Variants in MC2R observed in about 807,000 individuals in gnomAD.
MC2R encodes melanocortin 2 receptor, also known as adrenocorticotropic hormone receptor.
A neutral mutation model predicts 9.8 loss-of-function variants in MC2R; 9 were observed. That is an observed-to-expected ratio of 0.92 (90% CI 0.55 to 1.60). The LOEUF is 1.60. Ranked by LOEUF, MC2R falls within the 40% of genes most tolerant of loss-of-function variation. The probability of loss-of-function intolerance (pLI) is 0.00; values close to 1 mark genes in which losing one functional copy is unlikely to be tolerated. For synonymous variants in MC2R, 185 were observed against 154.7 expected (o/e 1.20, Z -1.45); for missense variants, 370 against 389.0 (o/e 0.95, Z 0.41).
intron 1 of MC2R, among the ~76,000 whole-genome samples, chr18:13,908,769 C>T (rs2045428419): frequency 7.0e-6 from 1 of 142,620 alleles, no homozygotes. Context: ...ATAGAAAAAT[C>T]CATGACATCA....
chr18:13,886,845 A>C (rs34378597), intron 1 of MC2R, among the ~76,000 whole-genome samples: 3,387 of 152,240 alleles, frequency 0.022, 107 homozygotes, highest in African/African-American at 0.078. Context: ...GGAGCCCATC[A>C]CGGCCTCACT....
At chr18:13,913,413 T>C (rs952070160) in intron 1 of MC2R, among the ~76,000 whole-genome samples, 1 of 152,202 alleles carries the variant, frequency 6.6e-6, no homozygotes, top group Non-Finnish European at 1.5e-5. Flanking sequence ...GGACACCTAC[T>C]AGGTTGATTA....
In MC2R at chr18:13,885,331, A is replaced by G; in HGVS notation, c.188T>C (p.Ile63Thr). 1 of 1,614,224 alleles carries G rather than the reference A, an allele frequency of 6.2e-7. No homozygotes were observed. Among genetic ancestry groups the G allele is most frequent in the Non-Finnish European group, 8.5e-7 (1 of 1,180,040 alleles). ...CATATCAGATATGGCCAAGCTACAG[A>G]TGAAAAAGTACATGGGTGCCTGGAG... Reference protein sequence around the residue: ...KNLQAPMYFFICSLAISDMLG... With the variant: ...KNLQAPMYFFTCSLAISDMLG... The change falls in exon 2 of 2, where the codon ATC becomes ACC. Residue 63 changes from isoleucine to threonine, a missense_variant. Ile to Thr is a moderately conservative substitution (Grantham distance 89, BLOSUM62 -1). Coordinates refer to ENST00000327606, the MANE Select transcript of MC2R (RefSeq NM_000529.2).
intron 1 of MC2R, among the ~76,000 whole-genome samples, chr18:13,914,416 G>A (rs1479464996): frequency 6.6e-6 from 1 of 152,196 alleles, no homozygotes; most frequent in African/African-American, 2.4e-5. Flanking sequence ...AGCACATAAG[G>A]GTTCGGTACA....
chr18:13,915,156 G>A (rs769763170), intron 1 of MC2R, among the ~76,000 whole-genome samples: 1 of 152,136 alleles, frequency 6.6e-6, no homozygotes, highest in Non-Finnish European at 1.5e-5. Flanking sequence ...GATAATAGAA[G>A]CATGATTTGT....
At chr18:13,885,994 A>G (rs2045273956) in intron 1 of MC2R, among the ~76,000 whole-genome samples, 1 of 151,940 alleles carries the variant, frequency 6.6e-6, no homozygotes, top group Admixed American at 6.6e-5. Context: ...GTCAAATACT[A>G]CATGTTCTCA....
intron 1 of MC2R, among the ~76,000 whole-genome samples, chr18:13,894,897 C>T (rs138272186): frequency 7.9e-5 from 12 of 152,240 alleles, no homozygotes; most frequent in Non-Finnish European, 1.2e-4. Flanking sequence ...TATCAACCCA[C>T]GCGACCTGTC....
At position 13,891,591 on chromosome 18, in the gene MC2R, G is replaced by A. The variant is rs34609966; in HGVS notation, c.-128-5945C>T. On this transcript the variant is annotated intron_variant, in intron 1 of 1. Transcript: ENST00000327606. ...CCTAGCCTCTTCAGTGCAAAGTGCT[G>A]TCAGGCTTTTGGATTATTGCCAATA... Among the ~76,000 whole-genome samples the A allele has an allele frequency of 5.4e-3, 824 of 152,314 alleles. 11 individuals carry two copies. Among genetic ancestry groups the A allele is most frequent in the African/African-American group, 0.019 (783 of 41,562 alleles).
At chr18:13,892,695 T>G (rs2045322393) in intron 1 of MC2R, among the ~76,000 whole-genome samples, 1 of 152,126 alleles carries the variant, frequency 6.6e-6, no homozygotes, top group South Asian at 2.1e-4. Context: ...ACCCCATGGT[T>G]CAGTCAAGTT....
chr18:13,899,540 C>A (rs1010059213), intron 1 of MC2R, among the ~76,000 whole-genome samples: 1 of 151,944 alleles, frequency 6.6e-6, no homozygotes, highest in East Asian at 1.9e-4. Flanking sequence ...ATATTTAACC[C>A]AAATAAGACT....
chr18:13,908,892 C>T (rs1175404547), intron 1 of MC2R, among the ~76,000 whole-genome samples: 1 of 151,972 alleles, frequency 6.6e-6, no homozygotes, highest in Non-Finnish European at 1.5e-5. Context: ...TAGTAGAGTC[C>T]CCACAAACCT....
chr18:13,887,767 C>CA (rs2045286061), intron 1 of MC2R, among the ~76,000 whole-genome samples: 2 of 152,162 alleles, frequency 1.3e-5, no homozygotes, highest in South Asian at 4.1e-4. Context: ...CGGACTAGCA[C>CA]AGAAGTGTGA....
At position 13,902,878 on chromosome 18, in the gene MC2R, G is replaced by A. The variant is rs1053465455; in HGVS notation, c.-129+12610C>T. On this transcript the variant is annotated intron_variant, in intron 1 of 1. Coordinates refer to ENST00000327606, the MANE Select transcript of MC2R (RefSeq NM_000529.2). Reference sequence around the variant, plus strand: ...GTTAAAAATCTTCTGCACAGCAAAGGAAACAACCCACAAAGTGAAGAGACA... The same window carrying A: ...GTTAAAAATCTTCTGCACAGCAAAGAAAACAACCCACAAAGTGAAGAGACA... Among the ~76,000 whole-genome samples, 19 of 152,120 alleles carry A rather than the reference G, an allele frequency of 1.2e-4. 1 individual carries two copies. The highest frequency in any genetic ancestry group is 8.5e-4 in the Admixed American group (13 of 15,272).
At chr18:13,909,283 T>G (rs1468141592) in intron 1 of MC2R, among the ~76,000 whole-genome samples, 1 of 152,220 alleles carries the variant, frequency 6.6e-6, no homozygotes. Flanking sequence ...ATGTAAACTA[T>G]CATTCTCATT....
intron 1 of MC2R, among the ~76,000 whole-genome samples, chr18:13,897,596 C>T (rs920670811): frequency 3.3e-5 from 5 of 152,046 alleles, no homozygotes; most frequent in African/African-American, 9.7e-5. Flanking sequence ...CTCATGGCTC[C>T]AAAAGACACC....
Position 13,884,439 on chromosome 18 carries a change from G to T in MC2R, c.*186C>A. The T allele has an allele frequency of 1.5e-6, 1 of 668,282 alleles. No individual in the cohort carries two copies. The highest frequency in any genetic ancestry group is 2.7e-6 in the Non-Finnish European group (1 of 374,626). 41.4% of individuals were successfully genotyped at this position (668,282 alleles called of 1,614,324 possible). ...TATCTGTCCAGTCACAAAGTTAAGA[G>T]GTTGCCCCTACAATAAGACTGTTCA... On this transcript the variant is annotated 3_prime_UTR_variant, in exon 2 of 2. Transcript: ENST00000327606.
At chr18:13,903,961 A>T (rs1222343773) in intron 1 of MC2R, among the ~76,000 whole-genome samples, 1 of 150,406 alleles carries the variant, frequency 6.6e-6, no homozygotes, top group Non-Finnish European at 1.5e-5. Flanking sequence ...AACATCCTTA[A>T]AAGAGAGTTT....
intron 1 of MC2R, among the ~76,000 whole-genome samples, chr18:13,901,035 T>G (rs73412439): frequency 0.065 from 9,838 of 152,168 alleles, 1,006 homozygotes; most frequent in African/African-American, 0.22. Context: ...AAAATTGAAA[T>G]AATGTCAAGT....
chr18:13,905,999 T>C (rs969537598), intron 1 of MC2R, among the ~76,000 whole-genome samples: 3 of 152,078 alleles, frequency 2.0e-5, no homozygotes, highest in African/African-American at 7.2e-5. Flanking sequence ...TTCCAGATCT[T>C]AGAGGCGGAG....
Sources: allele counts gnomAD v4.1 joint callset (sites outside exome capture counted in the v4.1 genomes callset), GRCh38; gene constraint gnomAD v4.1.1; transcripts MANE v1.5; gene names NCBI Gene and HGNC (gene_info 2026-07-23, HGNC 2026-07-21).